Variants in CTDSPL observed in about 807,000 individuals in gnomAD.
The protein encoded by CTDSPL is CTD small phosphatase like.
CTDSPL carries 8 observed loss-of-function variants against 30.5 expected under a neutral mutation model. The observed-to-expected ratio is 0.26, with a 90% CI of 0.15 to 0.47. The LOEUF (loss-of-function observed/expected upper bound fraction) is 0.47, where lower values mean the gene tolerates loss of function less well. Among genes scored for constraint, CTDSPL ranks in the 20% least tolerant of loss-of-function variants. The pLI is 0.99. For synonymous variants in CTDSPL, 110 were observed against 137.9 expected (o/e 0.80, Z 1.42); for missense variants, 248 against 366.1 (o/e 0.68, Z 2.63).
rs1012822953 is a variant in CTDSPL at position 37,983,154 on chromosome 3, G to A, written c.*2287G>A. The A allele has an allele frequency of 6.6e-6, 1 of 152,578 alleles. No homozygotes were observed. Among genetic ancestry groups the A allele is most frequent in the African/African-American group, 2.4e-5 (1 of 41,424 alleles). The allele number at this position is 152,578 out of a possible 1,614,324, so 9.5% of individuals were successfully genotyped here. ...GGGACGGGCCCAGCTCCTGCACCAC[G>A]GACACAGAATGTCTGGAGAGGGCCA... On this transcript the variant is annotated 3_prime_UTR_variant, in exon 8 of 8. Transcript: ENST00000273179.
At chr3:37,904,816 TC>T (rs2125602880) in intron 1 of CTDSPL, among the ~76,000 whole-genome samples, 1 of 152,328 alleles carries the variant, frequency 6.6e-6, no homozygotes, top group South Asian at 2.1e-4. Flanking sequence ...TTGCTGCCCA[TC>T]CTTGCCTCTT....
intron 1 of CTDSPL, among the ~76,000 whole-genome samples, chr3:37,865,234 A>G (rs1236159827): frequency 6.6e-6 from 1 of 152,236 alleles, no homozygotes; most frequent in Admixed American, 6.5e-5. Context: ...AACTCAGCCT[A>G]CTTTGCAATC....
chr3:37,877,042 G>C (rs890547784), intron 1 of CTDSPL, among the ~76,000 whole-genome samples: 2 of 149,770 alleles, frequency 1.3e-5, no homozygotes, highest in African/African-American at 4.9e-5. Context: ...GGAGGCAAAG[G>C]TTGCAGTGAA....
At chr3:37,959,093 A>G (rs1471190109) in intron 3 of CTDSPL, among the ~76,000 whole-genome samples, 1 of 152,168 alleles carries the variant, frequency 6.6e-6, no homozygotes. Flanking sequence ...GCTTGTGCTG[A>G]GTCTCCAAAC....
At chr3:37,958,557 G>A (rs1232889466) in intron 3 of CTDSPL, among the ~76,000 whole-genome samples, 1 of 152,188 alleles carries the variant, frequency 6.6e-6, no homozygotes, top group African/African-American at 2.4e-5. Context: ...CACGTGCAAA[G>A]TTAAGTGCAG....
intron 1 of CTDSPL, among the ~76,000 whole-genome samples, chr3:37,879,872 A>G (rs1204089905): frequency 6.6e-6 from 1 of 152,048 alleles, no homozygotes; most frequent in African/African-American, 2.4e-5. Context: ...GTATACATAT[A>G]TAGTACAAAG....
chr3:37,948,808 C>CTTTTTTTTTTTTTTTTTTTTTTT (rs71635858), intron 2 of CTDSPL, among the ~76,000 whole-genome samples: 6 of 108,150 alleles, frequency 5.5e-5, no homozygotes, highest in African/African-American at 2.5e-4. Flanking sequence ...TTCCAGCTTT[C>CTTTTTTTTTTTTTTTTTTTTTTT]TTTTTTTTTT....
At chr3:37,972,971 C>G (rs569985696) in intron 6 of CTDSPL, among the ~76,000 whole-genome samples, 9 of 152,376 alleles carry the variant, frequency 5.9e-5, no homozygotes, top group African/African-American at 2.2e-4. Context: ...ATACTCCCTT[C>G]TCTTCCTCTG....
At chr3:37,900,813 T>A (rs112582032) in intron 1 of CTDSPL, among the ~76,000 whole-genome samples, 2,262 of 152,128 alleles carry the variant, frequency 0.015, 24 homozygotes, top group Non-Finnish European at 0.022. Flanking sequence ...TATTATTATT[T>A]TTTTAGACGA....
chr3:37,971,951 C>T (rs1699372065), intron 6 of CTDSPL, among the ~76,000 whole-genome samples: 1 of 152,228 alleles, frequency 6.6e-6, no homozygotes, highest in Non-Finnish European at 1.5e-5. Flanking sequence ...AGAGTTCCAA[C>T]TGCCCTAATG....
At chr3:37,886,490 C>A (rs144117094) in intron 1 of CTDSPL, among the ~76,000 whole-genome samples, 69 of 152,282 alleles carry the variant, frequency 4.5e-4, no homozygotes, top group African/African-American at 1.5e-3. Flanking sequence ...CATCTGATCA[C>A]CCCTTTTAGG....
intron 1 of CTDSPL, among the ~76,000 whole-genome samples, chr3:37,939,496 T>C (rs1200612240): frequency 1.3e-5 from 2 of 150,394 alleles, no homozygotes; most frequent in Non-Finnish European, 3.0e-5. Context: ...TCCTGGATCT[T>C]GGCTGCATTG....
intron 1 of CTDSPL, among the ~76,000 whole-genome samples, chr3:37,901,423 C>A (rs1172231955): frequency 6.6e-6 from 1 of 152,098 alleles, no homozygotes; most frequent in Non-Finnish European, 1.5e-5. Context: ...ACTCCATAAA[C>A]CAAAAAACCT....
intron 1 of CTDSPL, among the ~76,000 whole-genome samples, chr3:37,863,617 G>A (rs1189039214): frequency 6.6e-6 from 1 of 152,234 alleles, no homozygotes; most frequent in African/African-American, 2.4e-5. Context: ...GGCCACAGCC[G>A]GCTTTGGGGA....
intron 2 of CTDSPL, among the ~76,000 whole-genome samples, chr3:37,951,094 G>A (rs550322964): frequency 3.9e-5 from 6 of 152,312 alleles, no homozygotes; most frequent in African/African-American, 1.4e-4. Flanking sequence ...TGGGCTGGGT[G>A]CAATGGCTCA....
chr3:37,964,682 C>T lies in CTDSPL; in HGVS notation c.369+10C>T, dbSNP rs774096681. The T allele has an allele frequency of 6.4e-7, 1 of 1,551,862 alleles. No individual in the cohort carries two copies. Among genetic ancestry groups the T allele is most frequent in the Non-Finnish European group, 8.8e-7 (1 of 1,137,658 alleles). On this transcript the variant is annotated intron_variant, in intron 4 of 7. Coordinates refer to ENST00000273179, the MANE Select transcript of CTDSPL (RefSeq NM_001008392.2). ...GCACAGTTCGTTTAAGGTAAATCAA[C>T]ATAAAAAAAAAATCCATGATCTTTG...
chr3:37,878,442 T>G (rs2125591164), intron 1 of CTDSPL, among the ~76,000 whole-genome samples: 1 of 152,336 alleles, frequency 6.6e-6, no homozygotes, highest in East Asian at 1.9e-4. Context: ...AGACCATCCT[T>G]TCTTCATTGT....
At chr3:37,901,983 G>A (rs1186383085) in intron 1 of CTDSPL, among the ~76,000 whole-genome samples, 5 of 152,164 alleles carry the variant, frequency 3.3e-5, no homozygotes, top group East Asian at 3.8e-4. Flanking sequence ...GTTGCGAGAT[G>A]GCTGCTGCAT....
intron 1 of CTDSPL, among the ~76,000 whole-genome samples, chr3:37,943,427 A>G (rs549847900): frequency 1.3e-5 from 2 of 150,064 alleles, no homozygotes; most frequent in South Asian, 4.3e-4. Flanking sequence ...TAAGGTGGGC[A>G]GGTGCTGGGT....
Sources: gnomAD v4.1 joint callset for allele counts (sites outside exome capture counted in the v4.1 genomes callset) on GRCh38, gnomAD v4.1.1 for gene constraint, MANE v1.5 for transcripts, NCBI Gene and HGNC (gene_info 2026-07-23, HGNC 2026-07-21) for gene names.